The following ZCCHC4 variants were observed in gnomAD, a reference collection of about 807,000 sequenced individuals.
ZCCHC4 encodes the protein rRNA N(6)-adenosine-methyltransferase ZCCHC4.
ZCCHC4 carries 54 observed loss-of-function variants against 67.7 expected under a neutral mutation model. The ratio of observed to expected loss-of-function variants is 0.80; its 90% CI spans 0.64 to 1.00. ZCCHC4 has a LOEUF of 1.00. Among genes scored for constraint, ZCCHC4 ranks in the 50% least tolerant of loss-of-function variants. The pLI is 0.00. For missense variants in ZCCHC4, 609 were observed against 617.0 expected, an observed-to-expected ratio of 0.99 and a Z score of 0.14; for synonymous variants, 198 against 213.5, an observed-to-expected ratio of 0.93 and a Z score of 0.63.
intron 3 of ZCCHC4, among the ~76,000 whole-genome samples, chr4:25,329,987 A>G (rs186135964): frequency 4.6e-5 from 7 of 151,328 alleles, no homozygotes; most frequent in African/African-American, 1.7e-4. Flanking sequence ...TTTGATTTTG[A>G]TTTTTTAATT....
At chr4:25,366,353 T>C (rs979724398) in intron 12 of ZCCHC4, 1 of 781,008 alleles carries the variant, frequency 1.3e-6, no homozygotes, top group Admixed American at 6.4e-5. Flanking sequence ...TCTTGCTCTG[T>C]CGCCCAGGCT....
At position 25,369,872 on chromosome 4, in the gene ZCCHC4, A is replaced by G. The variant is rs1361425852; in HGVS notation, c.*708A>G. 3 of 152,228 alleles carry G rather than the reference A, an allele frequency of 2.0e-5. No individual in the cohort carries two copies. The highest frequency in any genetic ancestry group is 7.2e-5 in the African/African-American group (3 of 41,462). 9.4% of individuals were successfully genotyped at this position (152,228 alleles called of 1,614,324 possible). A position where few individuals can be genotyped will look rare whatever the true frequency, so the allele number is the denominator to read the frequency against. ...AAAAGTATGTTAATTTAAATAGGAA[A>G]ATATTTTATGTTAAATATGAAACAA... On this transcript the variant is annotated 3_prime_UTR_variant, in exon 13 of 13. Coordinates refer to ENST00000302874, the MANE Select transcript of ZCCHC4 (RefSeq NM_024936.3).
chr4:25,350,770 C>CTTATTTGCTGTTTT (rs375235940), intron 7 of ZCCHC4, among the ~76,000 whole-genome samples: 5 of 152,230 alleles, frequency 3.3e-5, no homozygotes, highest in African/African-American at 1.2e-4. Flanking sequence ...TTTAAGTCCA[C>CTTATTTGCTGTTTT]TAATTAGAGT....
chr4:25,342,520 A>G (rs1323484523), intron 5 of ZCCHC4, among the ~76,000 whole-genome samples: 1 of 152,216 alleles, frequency 6.6e-6, no homozygotes, highest in East Asian at 1.9e-4. Context: ...ACTATTATCC[A>G]AATAAAGTTA....
Position 25,324,915 on chromosome 4 carries a change from A to G in ZCCHC4, c.330-8268A>G, listed in dbSNP as rs576577779. 2.8e-4 allele frequency among the ~76,000 whole-genome samples: 43 copies of G among 152,272 alleles called. No homozygotes were observed. In the South Asian group the frequency reaches 7.9e-3, roughly 28 times the overall value. ...TTTATTGTTGAGTTATTCCTTATAC[A>G]TTGTGGATACAATTCCTTTACCTGG... On this transcript the variant is annotated intron_variant, in intron 3 of 12. Transcript: ENST00000302874.
At chr4:25,353,749 T>G (rs1303312745) in intron 8 of ZCCHC4, among the ~76,000 whole-genome samples, 6 of 152,190 alleles carry the variant, frequency 3.9e-5, no homozygotes, top group Non-Finnish European at 8.8e-5. Flanking sequence ...AATGTGGCAA[T>G]ATATCTGTCT....
chr4:25,320,225 G>A (rs1055718043), intron 3 of ZCCHC4, among the ~76,000 whole-genome samples: 2 of 151,956 alleles, frequency 1.3e-5, no homozygotes, highest in Non-Finnish European at 1.5e-5. Flanking sequence ...GCTCTGAAAT[G>A]TGTTATTATG....
At chr4:25,319,563 T>G (rs1718469182) in intron 3 of ZCCHC4, among the ~76,000 whole-genome samples, 1 of 152,226 alleles carries the variant, frequency 6.6e-6, no homozygotes, top group African/African-American at 2.4e-5. Flanking sequence ...TCAATGTTCC[T>G]ATGCTTTATT....
chr4:25,343,708 C>G (rs1232177366), intron 5 of ZCCHC4, among the ~76,000 whole-genome samples: 1 of 152,216 alleles, frequency 6.6e-6, no homozygotes, highest in East Asian at 1.9e-4. Context: ...TATAGAGCCT[C>G]TGCTCTTAAC....
At chr4:25,358,383 C>T (rs1467565457) in intron 8 of ZCCHC4, among the ~76,000 whole-genome samples, 1 of 152,154 alleles carries the variant, frequency 6.6e-6, no homozygotes, top group African/African-American at 2.4e-5. Context: ...GAATGGGAAA[C>T]CCTGACCAAA....
chr4:25,321,099 A>C (rs769662667), intron 3 of ZCCHC4, among the ~76,000 whole-genome samples: 15 of 152,286 alleles, frequency 9.8e-5, no homozygotes, highest in Middle Eastern at 3.4e-3. Context: ...TTCCTTTCTT[A>C]GGTCCTCTAA....
At chr4:25,327,169 G>C (rs1718924608) in intron 3 of ZCCHC4, among the ~76,000 whole-genome samples, 1 of 152,100 alleles carries the variant, frequency 6.6e-6, no homozygotes, top group Non-Finnish European at 1.5e-5. Context: ...TCCAATTTAT[G>C]TCTTTTGTTT....
At chr4:25,329,456 T>C (rs970791805) in intron 3 of ZCCHC4, among the ~76,000 whole-genome samples, 4 of 151,886 alleles carry the variant, frequency 2.6e-5, no homozygotes, top group South Asian at 2.1e-4. Context: ...ACTACTGTTA[T>C]TCCCATGTAA....
intron 12 of ZCCHC4, among the ~76,000 whole-genome samples, chr4:25,366,593 G>A (rs1262177948): frequency 1.3e-5 from 2 of 151,066 alleles, no homozygotes; most frequent in African/African-American, 5.0e-5. Flanking sequence ...TGGGATTACA[G>A]GCGTGAGCCA....
intron 3 of ZCCHC4, among the ~76,000 whole-genome samples, chr4:25,331,756 C>G (rs1001770493): frequency 6.6e-6 from 1 of 152,128 alleles, no homozygotes; most frequent in Non-Finnish European, 1.5e-5. Context: ...GAAGTTTCTT[C>G]TAATATCCCT....
chr4:25,358,776 G>T (rs1251542455), intron 8 of ZCCHC4, among the ~76,000 whole-genome samples: 1 of 152,216 alleles, frequency 6.6e-6, no homozygotes, highest in Non-Finnish European at 1.5e-5. Flanking sequence ...TCGTGAGCTC[G>T]TGCTTGGCTT....
At chr4:25,325,305 C>T (rs867308176) in intron 3 of ZCCHC4, among the ~76,000 whole-genome samples, 1,772 of 122,482 alleles carry the variant, frequency 0.014, 64 homozygotes, top group African/African-American at 0.049. Flanking sequence ...TTCACTCTCT[C>T]TTTTTTTTTT....
intron 3 of ZCCHC4, among the ~76,000 whole-genome samples, chr4:25,318,786 G>T (rs111675552): frequency 0.019 from 2,088 of 110,174 alleles, 51 homozygotes; most frequent in African/African-American, 0.053. Context: ...TTTCCAAAAG[G>T]TTATTTTTTT....
intron 3 of ZCCHC4, among the ~76,000 whole-genome samples, chr4:25,325,113 G>A (rs1367723077): frequency 3.9e-5 from 5 of 127,962 alleles, no homozygotes; most frequent in African/African-American, 1.3e-4. Context: ...CGAGGTAGTG[G>A]GCGCCTGTAG....
Sources: allele counts gnomAD v4.1 joint callset (sites outside exome capture counted in the v4.1 genomes callset), GRCh38; gene constraint gnomAD v4.1.1; transcripts MANE v1.5; gene names NCBI Gene and HGNC (gene_info 2026-07-23, HGNC 2026-07-21).